Variants in CAB39 observed in about 807,000 individuals in gnomAD.
CAB39 encodes the protein calcium-binding protein 39.
A neutral mutation model predicts 40.0 loss-of-function variants in CAB39; 8 were observed. That is an observed-to-expected ratio of 0.20 (90% CI 0.12 to 0.36). CAB39 has a LOEUF of 0.36. Ranked by LOEUF, CAB39 falls within the 10% of genes least tolerant of loss-of-function variation. The probability of loss-of-function intolerance (pLI) is 1.00; values close to 1 mark genes in which losing one functional copy is unlikely to be tolerated. For synonymous variants in CAB39, 156 were observed against 141.6 expected, an observed-to-expected ratio of 1.10 and a Z score of -0.72; for missense variants, 270 against 401.1, an observed-to-expected ratio of 0.67 and a Z score of 2.79.
intron 1 of CAB39, among the ~76,000 whole-genome samples, chr2:230,730,445 CTTT>C (rs11344642): frequency 3.2e-4 from 41 of 127,910 alleles, no homozygotes; most frequent in Admixed American, 3.0e-4. Flanking sequence ...GAAAACTTTT[CTTT>C]TTTTTTTTTT....
chr2:230,800,514 G>T (rs1289008219), intron 5 of CAB39, among the ~76,000 whole-genome samples: 1 of 152,220 alleles, frequency 6.6e-6, no homozygotes, highest in Non-Finnish European at 1.5e-5. Flanking sequence ...CAGTTGGTGG[G>T]CTAGGACTCA....
At position 230,782,262 on chromosome 2, in the gene CAB39, C is replaced by A. The variant is rs143449471; in HGVS notation, c.115-8610C>A. Among the ~76,000 whole-genome samples the A allele has an allele frequency of 8.1e-4, 124 of 152,154 alleles. 2 individuals are homozygous for A. The highest frequency in any genetic ancestry group is 4.4e-3 in the East Asian group (23 of 5,182). ...GAAACACTTATTAAAATTTTCTGAT[C>A]ATCTTTTGGTAATATTTGGATATAT... On this transcript the variant is annotated intron_variant, in intron 2 of 8. Coordinates refer to ENST00000258418, the MANE Select transcript of CAB39 (RefSeq NM_016289.4).
chr2:230,727,363 C>CGTGTGTGTGT (rs10542723), intron 1 of CAB39, among the ~76,000 whole-genome samples: 1,894 of 126,914 alleles, frequency 0.015, 79 homozygotes, highest in African/African-American at 0.055. Flanking sequence ...GATTGTTAAC[C>CGTGTGTGTGT]GTGTGTGTGT....
chr2:230,818,345 AT>A (rs936807830), intron 8 of CAB39, among the ~76,000 whole-genome samples, 170 bp from the exon 9 acceptor site: 4 of 151,800 alleles, frequency 2.6e-5, no homozygotes, highest in African/African-American at 9.7e-5. Flanking sequence ...TGTAATTATT[AT>A]TTTTTTTTCC....
chr2:230,775,500 C>T (rs1476117920), intron 2 of CAB39, among the ~76,000 whole-genome samples: 1 of 152,108 alleles, frequency 6.6e-6, no homozygotes, highest in African/African-American at 2.4e-5. Context: ...TCCCAAAGTG[C>T]TGGGATTACA....
At chr2:230,797,663 G>A (rs1382172535) in intron 4 of CAB39, among the ~76,000 whole-genome samples, 1 of 152,174 alleles carries the variant, frequency 6.6e-6, no homozygotes, top group Non-Finnish European at 1.5e-5. Context: ...GGTGGGGTTA[G>A]TAGTCATGGT....
At chr2:230,731,632 A>G (rs796732625) in intron 1 of CAB39, among the ~76,000 whole-genome samples, 8 of 152,308 alleles carry the variant, frequency 5.3e-5, no homozygotes, top group African/African-American at 1.7e-4. Flanking sequence ...CCTCTCAAGT[A>G]GCTAGGACTA....
intron 2 of CAB39, among the ~76,000 whole-genome samples, chr2:230,774,439 A>G (rs1319083557): frequency 6.6e-6 from 1 of 152,196 alleles, no homozygotes; most frequent in Non-Finnish European, 1.5e-5. Context: ...AAAAGCGGTT[A>G]ATGTTACCAT....
chr2:230,725,441 C>G (rs374926640), intron 1 of CAB39: 1 of 1,521,112 alleles, frequency 6.6e-7, no homozygotes, highest in East Asian at 2.3e-5. Context: ...GTTCCCGTAA[C>G]GGTTCCTCCC....
rs571396996 is a variant in CAB39 at position 230,802,513 on chromosome 2, C to A, written c.567+3616C>A. On this transcript the variant is annotated intron_variant, in intron 5 of 8. Transcript: ENST00000258418. ...ATCAACAAAATTGATAGACCGCTAGCAAGACTAATAAAAAAGAAGAGAGAA... is the reference window on the plus strand; with the variant it reads ...ATCAACAAAATTGATAGACCGCTAGAAAGACTAATAAAAAAGAAGAGAGAA... Among the ~76,000 whole-genome samples, 805 of 152,000 alleles carry A rather than the reference C, an allele frequency of 5.3e-3. 1 individual carries two copies. Among genetic ancestry groups the A allele is most frequent in the African/African-American group, 0.018 (747 of 41,458 alleles).
At chr2:230,807,101 C>T (rs1282636944) in intron 5 of CAB39, among the ~76,000 whole-genome samples, 1 of 152,112 alleles carries the variant, frequency 6.6e-6, no homozygotes, top group Non-Finnish European at 1.5e-5. Flanking sequence ...TTTATTCTCC[C>T]CTCTGCTGAC....
At chr2:230,740,817 G>T (rs1315084611) in intron 1 of CAB39, among the ~76,000 whole-genome samples, 1 of 152,196 alleles carries the variant, frequency 6.6e-6, no homozygotes, top group East Asian at 1.9e-4. Flanking sequence ...CAGCCCGGGG[G>T]CTGGGGACCC....
intron 5 of CAB39, among the ~76,000 whole-genome samples, chr2:230,805,929 A>T (rs976237941): frequency 1.3e-5 from 2 of 152,204 alleles, no homozygotes; most frequent in Non-Finnish European, 2.9e-5. Flanking sequence ...AGGCATACTT[A>T]TCAAATGTGT....
chr2:230,728,233 G>A (rs180896121), intron 1 of CAB39, among the ~76,000 whole-genome samples: 31 of 148,398 alleles, frequency 2.1e-4, no homozygotes, highest in African/African-American at 6.8e-4. Flanking sequence ...GTGAGACTCC[G>A]TCTCAAAAAT....
chr2:230,758,991 C>T (rs1042966783), intron 1 of CAB39, among the ~76,000 whole-genome samples: 4 of 152,120 alleles, frequency 2.6e-5, no homozygotes, highest in African/African-American at 9.7e-5. Flanking sequence ...GGAATAGTTG[C>T]ATGTTCTCCT....
chr2:230,723,997 A>G (rs1694504324), intron 1 of CAB39, among the ~76,000 whole-genome samples: 1 of 152,128 alleles, frequency 6.6e-6, no homozygotes, highest in Non-Finnish European at 1.5e-5. Flanking sequence ...TAATTCCAAC[A>G]CTTTGGGAGG....
intron 7 of CAB39, among the ~76,000 whole-genome samples, chr2:230,816,490 T>A (rs1009681443): frequency 3.3e-5 from 5 of 152,244 alleles, no homozygotes; most frequent in African/African-American, 1.2e-4. Flanking sequence ...TTATAAAGCC[T>A]AAGTAAAATA....
chr2:230,745,668 C>T (rs937619155), intron 1 of CAB39, among the ~76,000 whole-genome samples: 2 of 151,882 alleles, frequency 1.3e-5, no homozygotes, highest in African/African-American at 4.8e-5. Flanking sequence ...CGCTTGTTGC[C>T]CAGGCTGGAG....
At chr2:230,728,547 C>G (rs892338444) in intron 1 of CAB39, among the ~76,000 whole-genome samples, 2 of 152,152 alleles carry the variant, frequency 1.3e-5, no homozygotes, top group African/African-American at 4.8e-5. Context: ...AGCAATCCAC[C>G]TGCCTCAGCT....
Sources: allele counts gnomAD v4.1 joint callset (sites outside exome capture counted in the v4.1 genomes callset), GRCh38; gene constraint gnomAD v4.1.1; transcripts MANE v1.5; gene names NCBI Gene and HGNC (gene_info 2026-07-23, HGNC 2026-07-21).